ATP7B: variants seen among roughly 807,000 people sequenced by gnomAD.
The protein encoded by ATP7B is copper-transporting ATPase 2.
In ATP7B, 113 loss-of-function variants were observed where a neutral mutation model predicts 118.9. That is an observed-to-expected ratio of 0.95 (90% CI 0.82 to 1.11). The LOEUF is 1.11. ATP7B is among the 50% of genes most tolerant of loss of function. The pLI is 0.00. For synonymous variants in ATP7B, 777 were observed against 727.4 expected, an observed-to-expected ratio of 1.07 and a Z score of -1.10; for missense variants, 1,867 against 1,871.4, an observed-to-expected ratio of 1.00 and a Z score of 0.04.
At chr13:51,941,923 G>A (rs1453652688) in intron 15 of ATP7B, among the ~76,000 whole-genome samples, 2 of 152,142 alleles carry the variant, frequency 1.3e-5, no homozygotes, top group African/African-American at 4.8e-5. Flanking sequence ...GCTACCTTGA[G>A]AATAAAAAAG....
intron 1 of ATP7B, among the ~76,000 whole-genome samples, chr13:51,982,937 G>A (rs898298963): frequency 3.9e-5 from 6 of 152,168 alleles, no homozygotes; most frequent in African/African-American, 1.2e-4. Flanking sequence ...AGATTCCCTC[G>A]GGTGCCTACA....
At chr13:51,963,092 CAA>C (rs1165735824) in intron 5 of ATP7B, among the ~76,000 whole-genome samples, 2 of 136,178 alleles carry the variant, frequency 1.5e-5, no homozygotes. Context: ...AACACCAACT[CAA>C]AAAAAAAAAG....
chr13:51,939,008 C>T, intron 17 of ATP7B, 43 bp downstream of exon 17: 2 of 1,614,200 alleles, frequency 1.2e-6, no homozygotes, highest in African/African-American at 1.3e-5. Flanking sequence ...TCTCTAACTG[C>T]TTTTATGAGC....
At chr13:51,977,815 T>A (rs540509275) in intron 1 of ATP7B, among the ~76,000 whole-genome samples, 1 of 152,094 alleles carries the variant, frequency 6.6e-6, no homozygotes, top group Non-Finnish European at 1.5e-5. Flanking sequence ...CACTAGGCAA[T>A]AGGAATTTTT....
chr13:51,958,132 G>A, intron 8 of ATP7B, 179 bp downstream of exon 8: 1 of 699,424 alleles, frequency 1.4e-6, no homozygotes, highest in Non-Finnish European at 2.4e-6. Flanking sequence ...TGGGATTTCA[G>A]AAGTAGTGAC....
Position 51,975,016 on chromosome 13 carries a change from A to G in ATP7B, c.204T>C (p.Thr68=). 2 of 1,614,228 alleles carry G rather than the reference A, an allele frequency of 1.2e-6. No individual in the cohort carries two copies. The highest frequency in any genetic ancestry group is 1.7e-6 in the Non-Finnish European group (2 of 1,180,036). The stretch of plus-strand genomic sequence containing the variant: ...CAATGGACTTCACACATGACTGGCA[A>G]GTCATGCCCAAGATCCTGACTGTGC... The part of the protein sequence containing the change: ...ATSTVRILGM[T]CQSCVKSIED... The change falls in exon 2 of 21, where the codon ACT becomes ACC. Residue 68 remains threonine, a synonymous_variant. Coordinates refer to ENST00000242839, the MANE Select transcript of ATP7B (RefSeq NM_000053.4).
Position 51,973,999 on chromosome 13 carries a change from T to A in ATP7B, c.1221A>T (p.Val407=). The A allele has an allele frequency of 6.2e-7, 1 of 1,614,250 alleles. No homozygotes were observed. The highest frequency in any genetic ancestry group is 2.2e-5 in the East Asian group (1 of 44,890). The change falls in exon 2 of 21, where the codon GTA becomes GTT. Residue 407 remains valine (V), a synonymous_variant. Coordinates refer to ENST00000242839, the MANE Select transcript of ATP7B (RefSeq NM_000053.4). ...GTATVLYNPS[V]ISPEELRAAI... is the part of the protein sequence containing the mutation. ...CAGCTCTGAGTTCTTCTGGGCTAAT[T>A]ACAGAGGGATTATAAAGAACTGTTG...
upstream of ATP7B, chr13:52,011,539 C>T (rs373464885): frequency 3.0e-6 from 2 of 672,896 alleles, no homozygotes; most frequent in Non-Finnish European, 5.3e-6. Context: ...CCTCTTCACA[C>T]GGATGATTCA....
chr13:51,937,445 G>A, intron 18 of ATP7B, 31 bp downstream of exon 18: 2 of 1,614,076 alleles, frequency 1.2e-6, no homozygotes, highest in Non-Finnish European at 8.5e-7. Flanking sequence ...TGCCCTCCCA[G>A]CACCCACAGC....
In ATP7B at chr13:51,937,667, T is replaced by C; in HGVS notation, c.3712A>G (p.Lys1238Glu). ...RAIATQVGIN[K>E]VFAEVLPSHK... ...GAAGGCAGCACCTCTGCAAAGACTT[T>C]GTTGATGCCAACCTAAGACAAAAGG... The change falls in exon 18 of 21, where the codon AAA becomes GAA. Residue 1238 changes from lysine (K) to glutamate (E), a missense_variant. By Grantham distance (56) the Lys-to-Glu change is moderately conservative. Coordinates refer to ENST00000242839, the MANE Select transcript of ATP7B (RefSeq NM_000053.4). 3.7e-6 allele frequency: 6 copies of C among 1,614,236 alleles called. No homozygotes were observed. Among genetic ancestry groups the C allele is most frequent in the Non-Finnish European group, 5.1e-6 (6 of 1,180,052 alleles).
upstream of ATP7B, among the ~76,000 whole-genome samples, chr13:52,011,725 G>A (rs913869716): frequency 1.3e-5 from 2 of 152,236 alleles, no homozygotes; most frequent in African/African-American, 2.4e-5. Context: ...GTCCTCTGCC[G>A]TGCCGGCGCC....
At chr13:52,011,960 C>T (rs1251668160), upstream of ATP7B, 3 of 301,570 alleles carry the variant, frequency 9.9e-6, no homozygotes, top group African/African-American at 6.7e-5. Context: ...GACTCTGCGC[C>T]TGGCTGCCGG....
intron 12 of ATP7B, 91 bp downstream of exon 12, chr13:51,949,571 G>A (rs1000076187): frequency 1.1e-5 from 17 of 1,542,168 alleles, no homozygotes; most frequent in East Asian, 6.7e-5. Flanking sequence ...AATAATTAAA[G>A]CCCAGTGAAT....
chr13:52,011,932 T>A (rs997021866), upstream of ATP7B: 22 of 291,540 alleles, frequency 7.5e-5, no homozygotes, highest in Middle Eastern at 3.7e-3. Context: ...GGGTCCGCTC[T>A]GCGCTGCCCC....
chr13:51,974,071 T>A lies in ATP7B; in HGVS notation c.1149A>T (p.Gln383His). 1 of 1,614,086 alleles carries A rather than the reference T, an allele frequency of 6.2e-7. No individual in the cohort carries two copies. The highest frequency in any genetic ancestry group is 1.1e-5 in the South Asian group (1 of 91,078). Residue 383 changes from glutamine (Q) to histidine (H), a missense_variant, in exon 2 of 21, where the codon CAA becomes CAT. Gln to His is a conservative substitution (Grantham distance 24). Transcript: ENST00000242839. ...CCGATATTTGCTGCACCCCTTCCAGTTGGGAGATCATGCCTTCAATGGAAT... is the reference window on the plus strand; with the variant it reads ...CCGATATTTGCTGCACCCCTTCCAGATGGGAGATCATGCCTTCAATGGAAT... Reference protein sequence around the residue: ...CVHSIEGMISQLEGVQQISVS... With the variant: ...CVHSIEGMISHLEGVQQISVS...
chr13:51,932,855 C>T lies in ATP7B; in HGVS notation c.*1901G>A, dbSNP rs886050294. ...TTATGGTCCTAAAAGTTTTAAAAAT[C>T]AACAGAATTAGATTCTTTAGATAAT... On this transcript the variant is annotated 3_prime_UTR_variant, in exon 21 of 21. Transcript: ENST00000242839. The T allele has an allele frequency of 1.3e-4, 19 of 151,964 alleles. No homozygotes were observed. Among genetic ancestry groups the T allele is most frequent in the Non-Finnish European group, 2.1e-4 (14 of 67,978 alleles). 9.4% of individuals were successfully genotyped at this position (151,964 alleles called of 1,614,324 possible).
At chr13:51,972,096 T>C (rs148149182) in intron 2 of ATP7B, among the ~76,000 whole-genome samples, 205 of 152,138 alleles carry the variant, frequency 1.3e-3, no homozygotes, top group African/African-American at 4.7e-3. Flanking sequence ...CCTCACAACA[T>C]GTGCCCCTTC....
At chr13:51,996,482 T>C (rs1051079216) in intron 1 of ATP7B, among the ~76,000 whole-genome samples, 1 of 152,188 alleles carries the variant, frequency 6.6e-6, no homozygotes, top group Non-Finnish European at 1.5e-5. Context: ...CCATACCTCC[T>C]GCTGCAAGTG....
rs1201146045 is a variant in ATP7B at position 51,970,753 on chromosome 13, G to A, written c.1286-4C>T. Reference sequence around the variant, plus strand: ...AGAGGGTTAGTAGAACAGCTTTCTAGGATAAAATGTCAGAAAATATTCAAA... The same window carrying A: ...AGAGGGTTAGTAGAACAGCTTTCTAAGATAAAATGTCAGAAAATATTCAAA... On this transcript the variant is annotated splice_polypyrimidine_tract_variant and splice_region_variant and intron_variant, in intron 2 of 20. Coordinates refer to ENST00000242839, the MANE Select transcript of ATP7B (RefSeq NM_000053.4). 6.2e-7 allele frequency: 1 copy of A among 1,613,358 alleles called. No individual in the cohort carries two copies.
Sources: gnomAD v4.1 joint callset for allele counts (sites outside exome capture counted in the v4.1 genomes callset) on GRCh38, gnomAD v4.1.1 for gene constraint, MANE v1.5 for transcripts, NCBI Gene and HGNC (gene_info 2026-07-23, HGNC 2026-07-21) for gene names.